The following CACNA2D1 variants were observed in gnomAD, a reference collection of about 807,000 sequenced individuals.
CACNA2D1 encodes the protein voltage-dependent calcium channel subunit alpha-2/delta-1.
Under a neutral mutation model 171.5 loss-of-function variants are expected in CACNA2D1, and 53 were observed. The observed-to-expected ratio is 0.31, with a 90% CI of 0.25 to 0.39. CACNA2D1 has a LOEUF of 0.39. Among genes scored for constraint, CACNA2D1 ranks in the 10% least tolerant of loss-of-function variants. The pLI is 1.00. For missense variants in CACNA2D1, 903 were observed against 1,299.8 expected, an observed-to-expected ratio of 0.69 and a Z score of 4.69; for synonymous variants, 442 against 443.1, an observed-to-expected ratio of 1.00 and a Z score of 0.03.
chr7:82,264,134 C>T (rs1807500170), intron 3 of CACNA2D1, among the ~76,000 whole-genome samples: 1 of 152,208 alleles, frequency 6.6e-6, no homozygotes, highest in Admixed American at 6.5e-5. Flanking sequence ...CTTCTCAACA[C>T]ATCATGCTGG....
intron 6 of CACNA2D1, among the ~76,000 whole-genome samples, chr7:82,113,958 GCTT>G (rs1407818650): frequency 3.3e-5 from 5 of 152,090 alleles, no homozygotes; most frequent in African/African-American, 1.2e-4. Flanking sequence ...CAAAGACAGA[GCTT>G]CTTTTAATTA....
chr7:82,282,513 A>T (rs1302381736), intron 3 of CACNA2D1, among the ~76,000 whole-genome samples: 1 of 152,128 alleles, frequency 6.6e-6, no homozygotes, highest in Non-Finnish European at 1.5e-5. Context: ...GTGGGCAGGA[A>T]GGTTAGCAGG....
chr7:82,207,255 G>A (rs1800096759), intron 3 of CACNA2D1, among the ~76,000 whole-genome samples: 1 of 152,186 alleles, frequency 6.6e-6, no homozygotes, highest in Non-Finnish European at 1.5e-5. Context: ...TCAGAATGGA[G>A]CAGGCTGAAT....
chr7:81,979,293 C>G (rs1229516), intron 24 of CACNA2D1, among the ~76,000 whole-genome samples: 45,827 of 150,528 alleles, frequency 0.3, 7,816 homozygotes, highest in Non-Finnish European at 0.39. Flanking sequence ...TATTTTAAAA[C>G]TTTGAATTGT....
At chr7:82,348,360 A>G (rs60107744) in intron 2 of CACNA2D1, among the ~76,000 whole-genome samples, 10,318 of 152,052 alleles carry the variant, frequency 0.068, 475 homozygotes, top group African/African-American at 0.13. Flanking sequence ...GTTTCTTTGC[A>G]CTAGTAATCG....
chr7:81,984,819 G>T lies in CACNA2D1; in HGVS notation c.1797-108C>A, dbSNP rs998186788. 94 of 703,922 alleles carry T rather than the reference G, an allele frequency of 1.3e-4. 1 individual carries two copies. Among genetic ancestry groups the T allele is most frequent in the Non-Finnish European group, 1.1e-4 (44 of 387,284 alleles). 43.6% of individuals were successfully genotyped at this position (703,922 alleles called of 1,614,324 possible). A position where few individuals can be genotyped will look rare whatever the true frequency, so the allele number is the denominator to read the frequency against. On this transcript the variant is annotated intron_variant, in intron 21 of 38. Coordinates refer to ENST00000356860, the MANE Select transcript of CACNA2D1 (RefSeq NM_000722.4). ...GAAAATCGAAAGATCTTCCTCATGG[G>T]AAGGAAAAGACATATTACTTTGACA...
rs971511644 is a variant in CACNA2D1, at chr7:82,344,326, T to C, written c.177+5242A>G. ...GTATTTCCAAAGATTGCCAAATGTA[T>C]GCCAGGGCACAAAACAGCCCCTGGC... On this transcript the variant is annotated intron_variant, in intron 2 of 38. Transcript: ENST00000356860. Among the ~76,000 whole-genome samples the C allele has an allele frequency of 3.9e-5, 6 of 152,314 alleles. No individual in the cohort carries two copies. The South Asian group carries it at 6.2e-4, about 16-fold the overall frequency.
chr7:82,060,432 G>C lies in CACNA2D1; in HGVS notation c.875C>G (p.Ala292Gly). ...ATGCAGTCATCTTATACTTACTGAA[G>C]CTACATTCACGAAATCATCATCTGA... Reference protein sequence around the residue: ...TLSDDDFVNVASFNSNAQDVS... With the variant: ...TLSDDDFVNVGSFNSNAQDVS... The change falls in exon 10 of 39, where the codon GCT becomes GGT. Residue 292 changes from alanine (A) to glycine (G), a missense_variant. This residue lies in a region of CACNA2D1 where 623 missense variants were observed against 925.5 expected (regional missense o/e 0.67). Transcript: ENST00000356860. 1 of 1,597,032 alleles carries C rather than the reference G, an allele frequency of 6.3e-7. No individual in the cohort carries two copies. Among genetic ancestry groups the C allele is most frequent in the Non-Finnish European group, 8.6e-7 (1 of 1,167,740 alleles).
At chr7:82,286,028 T>C (rs1451625980) in intron 3 of CACNA2D1, among the ~76,000 whole-genome samples, 4 of 152,176 alleles carry the variant, frequency 2.6e-5, no homozygotes, top group Non-Finnish European at 5.9e-5. Context: ...TTTTCCCTTG[T>C]CTCTTCTTCC....
intron 20 of CACNA2D1, among the ~76,000 whole-genome samples, chr7:81,994,036 A>G (rs1013214393): frequency 2.0e-5 from 3 of 152,096 alleles, no homozygotes; most frequent in African/African-American, 7.2e-5. Flanking sequence ...GATCATAGTC[A>G]GATCCTAGCT....
chr7:82,281,370 C>T (rs138716700), intron 3 of CACNA2D1, among the ~76,000 whole-genome samples: 1,760 of 152,318 alleles, frequency 0.012, 20 homozygotes, highest in Non-Finnish European at 0.015. Context: ...GTCATCCAAA[C>T]CAGATGGATG....
At chr7:81,969,451 G>C (rs1795042701) in intron 28 of CACNA2D1, among the ~76,000 whole-genome samples, 1 of 151,044 alleles carries the variant, frequency 6.6e-6, no homozygotes, top group African/African-American at 2.4e-5. Context: ...TAAATTACAA[G>C]GTTTTTGGGA....
intron 1 of CACNA2D1, among the ~76,000 whole-genome samples, chr7:82,362,710 T>C (rs1046616549): frequency 1.3e-5 from 2 of 152,214 alleles, no homozygotes; most frequent in African/African-American, 4.8e-5. Context: ...TGTATCACCG[T>C]TGGACATCTT....
intron 1 of CACNA2D1, among the ~76,000 whole-genome samples, chr7:82,358,616 A>C (rs1820728216): frequency 6.6e-6 from 1 of 152,110 alleles, no homozygotes; most frequent in Non-Finnish European, 1.5e-5. Flanking sequence ...GTAGGAAAAA[A>C]GACTATCACT....
chr7:81,965,976 G>A (rs1381689763), intron 31 of CACNA2D1, among the ~76,000 whole-genome samples: 2 of 151,330 alleles, frequency 1.3e-5, no homozygotes, highest in East Asian at 1.9e-4. Flanking sequence ...CCAGAAAACT[G>A]GATAGAGAAA....
chr7:82,362,878 T>C (rs1381302697), intron 1 of CACNA2D1, among the ~76,000 whole-genome samples: 1 of 152,202 alleles, frequency 6.6e-6, no homozygotes, highest in African/African-American at 2.4e-5. Context: ...TGAAAAATTA[T>C]CATGGTAATT....
chr7:82,056,197 C>G (rs1279849753), intron 10 of CACNA2D1, among the ~76,000 whole-genome samples: 3 of 151,850 alleles, frequency 2.0e-5, no homozygotes, highest in African/African-American at 7.3e-5. Flanking sequence ...CAAAATATAA[C>G]TGGCCATCAA....
At chr7:82,218,797 C>T (rs1469190394) in intron 3 of CACNA2D1, among the ~76,000 whole-genome samples, 1 of 152,088 alleles carries the variant, frequency 6.6e-6, no homozygotes, top group Non-Finnish European at 1.5e-5. Context: ...TATCAATAAA[C>T]TTTATTCCTT....
At chr7:81,962,521 T>A (rs1438609004) in intron 34 of CACNA2D1, 26 bp from the exon 35 acceptor site, 9 of 1,424,048 alleles carry the variant, frequency 6.3e-6, no homozygotes, top group African/African-American at 1.4e-5. Flanking sequence ...AAAAAAAAAA[T>A]AAACATCTAG....
Sources: allele counts gnomAD v4.1 joint callset (sites outside exome capture counted in the v4.1 genomes callset), GRCh38; gene constraint gnomAD v4.1.1; regional missense constraint gnomAD v4.1.1; transcripts MANE v1.5; gene names NCBI Gene and HGNC (gene_info 2026-07-23, HGNC 2026-07-21).